The following FRMPD3 variants were observed in gnomAD, a reference collection of about 807,000 sequenced individuals.
The protein encoded by FRMPD3 is FERM and PDZ domain-containing protein 3.
A neutral mutation model predicts 97.9 loss-of-function variants in FRMPD3; 42 were observed. The ratio of observed to expected loss-of-function variants is 0.43; its 90% CI spans 0.34 to 0.55. The LOEUF (loss-of-function observed/expected upper bound fraction) is 0.55, where lower values mean the gene tolerates loss of function less well. Among genes scored for constraint, FRMPD3 ranks in the 20% least tolerant of loss-of-function variants. FRMPD3 has a pLI of 0.03. For missense variants in FRMPD3, 1,303 were observed against 1,457.7 expected (o/e 0.89, Z 1.73); for synonymous variants, 577 against 581.1 (o/e 0.99, Z 0.10).
chrX:107,542,125 A>AGCT (rs1226147917), intron 4 of FRMPD3, among the ~76,000 whole-genome samples: 1 of 112,607 alleles, frequency 8.9e-6, no homozygotes, highest in East Asian at 2.8e-4. Context: ...AATCAAACAC[A>AGCT]GCTGCCTGAG....
intron 1 of FRMPD3, among the ~76,000 whole-genome samples, chrX:107,483,740 C>G (rs1377501502): frequency 9.0e-6 from 1 of 111,288 alleles, no homozygotes; most frequent in Non-Finnish European, 1.9e-5. Context: ...CCCAGCTGCC[C>G]CTCTGTAATC....
intron 1 of FRMPD3, among the ~76,000 whole-genome samples, chrX:107,489,598 AT>A (rs1257378065): frequency 9.0e-6 from 1 of 111,220 alleles, no homozygotes; most frequent in Non-Finnish European, 1.9e-5. Context: ...GATGTTGAGC[AT>A]TTTTTTCATG....
chrX:107,528,842 A>T (rs1464813591), intron 2 of FRMPD3, among the ~76,000 whole-genome samples: 2 of 112,765 alleles, frequency 1.8e-5, no homozygotes, highest in African/African-American at 6.4e-5. Flanking sequence ...GACTTGGCCT[A>T]GTGTGTTTAG....
rs765779456 is a variant in FRMPD3 at position 107,597,826 on chromosome X, TGAG to T, written c.1965_1967del (p.Glu656del). 2.7e-3 allele frequency: 2,400 copies of T among 882,926 alleles called. 2 individuals are homozygous for T. The highest frequency in any genetic ancestry group is 4.4e-3 in the Admixed American group (118 of 26,558). The allele number at this position is 882,926 out of a possible 1,213,427, so 72.8% of individuals were successfully genotyped here. On this transcript the variant is annotated inframe_deletion, in exon 14 of 15. Coordinates refer to ENST00000683843, the MANE Select transcript of FRMPD3 (RefSeq NM_001388459.1). The stretch of plus-strand genomic sequence containing the variant: ...TGATGTCCCTCCCACCACCTGGGAG[TGAG>T]GAGGAGGAGGAGGAGGAAGATGAGA...
rs910995583 is a variant in FRMPD3 at position 107,604,895 on chromosome X, A to G, written c.*1522A>G. On this transcript the variant is annotated 3_prime_UTR_variant, in exon 15 of 15. Transcript: ENST00000683843. ...CCCTGAGTGGTGAGTTCTCCCGGCA[A>G]GGAGGAGGGGAGTTTCTTCTGCAGA... The G allele has an allele frequency of 3.6e-5, 4 of 110,560 alleles. No homozygotes were observed. The highest frequency in any genetic ancestry group is 7.6e-5 in the Non-Finnish European group (4 of 52,899). The allele number at this position is 110,560 out of a possible 1,213,427, so 9.1% of individuals were successfully genotyped here.
Position 107,481,217 on chromosome X carries a change from G to A in FRMPD3, c.-8+31212G>A, listed in dbSNP as rs1921362111. Among the ~76,000 whole-genome samples, 2 of 112,092 alleles carry A rather than the reference G, an allele frequency of 1.8e-5. 1 individual carries two copies. Among genetic ancestry groups the A allele is most frequent in the Admixed American group, 1.9e-4 (2 of 10,622 alleles). Reference sequence around the variant, plus strand: ...TGAGGCTTTGCTGATGAGGGAGAAGGGGAAGATCTGCTCCAGCACTAGGGC... The same window carrying A: ...TGAGGCTTTGCTGATGAGGGAGAAGAGGAAGATCTGCTCCAGCACTAGGGC... On this transcript the variant is annotated intron_variant, in intron 1 of 14. Transcript: ENST00000683843.
At chrX:107,592,036 C>T (rs971299010) in intron 13 of FRMPD3, among the ~76,000 whole-genome samples, 3 of 109,784 alleles carry the variant, frequency 2.7e-5, no homozygotes, top group East Asian at 2.8e-4. Context: ...ACCCATCACC[C>T]GAACAGTGTA....
In FRMPD3 at chrX:107,602,229, T is replaced by C; in HGVS notation, c.4190T>C (p.Ile1397Thr). 8.3e-7 allele frequency: 1 copy of C among 1,209,710 alleles called. No individual in the cohort carries two copies. Residue 1397 changes from isoleucine (I) to threonine (T), a missense_variant, in exon 15 of 15, where the codon ATC becomes ACC. By Grantham distance (89) the Ile-to-Thr change is moderately conservative. This residue lies in a region of FRMPD3 where 764 missense variants were observed against 820.2 expected (regional missense o/e 0.93). Transcript: ENST00000683843. Reference sequence around the variant, plus strand: ...AGGAAACTGATGCGCCGCTACAGTATCAGTGAGCTGGACCAGGGTGACAGG... The same window carrying C: ...AGGAAACTGATGCGCCGCTACAGTACCAGTGAGCTGGACCAGGGTGACAGG... Reference protein sequence around the residue: ...NYRKLMRRYSISELDQGDRAS... With the variant: ...NYRKLMRRYSTSELDQGDRAS...
intron 2 of FRMPD3, among the ~76,000 whole-genome samples, chrX:107,529,506 A>G (rs748631559): frequency 1.2e-4 from 13 of 110,569 alleles, no homozygotes; most frequent in Middle Eastern, 4.7e-3. Context: ...AATCTGTTGA[A>G]CCTGGGAGGG....
intron 1 of FRMPD3, among the ~76,000 whole-genome samples, chrX:107,521,646 A>C (rs1922510897): frequency 8.9e-6 from 1 of 111,992 alleles, no homozygotes; most frequent in Non-Finnish European, 1.9e-5. Flanking sequence ...GTTGCATCTC[A>C]TGGGGGCCCA....
chrX:107,480,742 T>A (rs1384068388), intron 1 of FRMPD3, among the ~76,000 whole-genome samples: 3 of 104,850 alleles, frequency 2.9e-5, no homozygotes, highest in African/African-American at 1.1e-4. Context: ...GGCAGGAGAA[T>A]TGCTTGAACC....
At chrX:107,519,688 G>A (rs915806995) in intron 1 of FRMPD3, among the ~76,000 whole-genome samples, 3 of 111,201 alleles carry the variant, frequency 2.7e-5, no homozygotes, top group Admixed American at 1.9e-4. Context: ...AGAGGTGGGC[G>A]GCAGGCAGGT....
chrX:107,492,732 C>T (rs1052920179), intron 1 of FRMPD3, among the ~76,000 whole-genome samples: 2 of 112,010 alleles, frequency 1.8e-5, no homozygotes, highest in African/African-American at 6.5e-5. Context: ...CATTAAATTT[C>T]GAGAAGCACT....
At chrX:107,497,107 T>C (rs865982312) in intron 1 of FRMPD3, among the ~76,000 whole-genome samples, 3 of 112,284 alleles carry the variant, frequency 2.7e-5, no homozygotes, top group African/African-American at 6.5e-5. Flanking sequence ...CATAGGCTGA[T>C]TGATTTGATG....
At chrX:107,595,302 G>T (rs914603063) in intron 13 of FRMPD3, among the ~76,000 whole-genome samples, 2 of 108,672 alleles carry the variant, frequency 1.8e-5, no homozygotes, top group African/African-American at 6.8e-5. Context: ...AGGTGACAGA[G>T]CAAGACCCTG....
chrX:107,490,672 A>G (rs1286218952), intron 1 of FRMPD3, among the ~76,000 whole-genome samples: 4 of 111,899 alleles, frequency 3.6e-5, no homozygotes, highest in African/African-American at 1.3e-4. Context: ...GCTTGTGCTG[A>G]ATCAAGAACT....
chrX:107,530,369 G>A, intron 2 of FRMPD3, 40 bp from the exon 3 acceptor site: 2 of 1,086,108 alleles, frequency 1.8e-6, no homozygotes, highest in South Asian at 2.0e-5. Context: ...TTTCCCAGCA[G>A]TAACCCTAAG....
chrX:107,547,340 C>T (rs951576704), intron 5 of FRMPD3, among the ~76,000 whole-genome samples: 1 of 110,399 alleles, frequency 9.1e-6, no homozygotes, highest in Non-Finnish European at 1.9e-5. Context: ...TTCCTCCCCA[C>T]TCCCCTCCCC....
At chrX:107,598,403 T>C (rs1231568543) in intron 14 of FRMPD3, among the ~76,000 whole-genome samples, 47 of 111,916 alleles carry the variant, frequency 4.2e-4, no homozygotes, top group African/African-American at 1.4e-3. Flanking sequence ...GGGATTGGGG[T>C]CATGACAGCT....
Sources: gnomAD v4.1 joint callset for allele counts (sites outside exome capture counted in the v4.1 genomes callset) on GRCh38, gnomAD v4.1.1 for gene constraint, gnomAD v4.1.1 regional missense constraint, MANE v1.5 for transcripts, NCBI Gene and HGNC (gene_info 2026-07-23, HGNC 2026-07-21) for gene names.